CYP3A7: variants seen among roughly 807,000 people sequenced by gnomAD.
CYP3A7 encodes the protein cytochrome P450 family 3 subfamily A member 7, also known as cytochrome P450 3A7.
In CYP3A7, 45 loss-of-function variants were observed where a neutral mutation model predicts 55.2. That is an observed-to-expected ratio of 0.82 (90% CI 0.64 to 1.05). The LOEUF (loss-of-function observed/expected upper bound fraction) is 1.05. Among genes scored for constraint, CYP3A7 ranks in the 50% least tolerant of loss-of-function variants. The pLI, the probability that CYP3A7 is intolerant of heterozygous loss-of-function variation, is 0.00. For synonymous variants in CYP3A7, 180 were observed against 207.4 expected (o/e 0.87, Z 1.13); for missense variants, 548 against 605.3 (o/e 0.91, Z 0.99).
At chr7:99,714,755 T>A (rs139519159) in intron 7 of CYP3A7, 73 bp from the exon 8 acceptor site, 1 of 1,582,074 alleles carries the variant, frequency 6.3e-7, no homozygotes, top group Admixed American at 1.7e-5. Flanking sequence ...CAATTCTAAT[T>A]TTCTCTACCA....
chr7:99,723,274 A>G (rs925285293), intron 2 of CYP3A7, among the ~76,000 whole-genome samples: 2 of 152,120 alleles, frequency 1.3e-5, no homozygotes, highest in African/African-American at 4.8e-5. Context: ...ACGTTCCATT[A>G]TGACTTGTTA....
At chr7:99,722,100 A>T (rs574553480) in intron 3 of CYP3A7, among the ~76,000 whole-genome samples, 196 bp downstream of exon 3, 1 of 152,334 alleles carries the variant, frequency 6.6e-6, no homozygotes, top group South Asian at 2.1e-4. Context: ...CACATAGCTT[A>T]TAATGGCACA....
intron 3 of CYP3A7, 121 bp downstream of exon 3, chr7:99,722,175 T>C: frequency 8.1e-7 from 1 of 1,238,504 alleles, no homozygotes; most frequent in Non-Finnish European, 1.2e-6. Context: ...ACCTCTCTGT[T>C]TGTAGTTAGG....
chr7:99,722,821 T>C (rs184098132), intron 2 of CYP3A7, among the ~76,000 whole-genome samples: 2 of 152,306 alleles, frequency 1.3e-5, no homozygotes, highest in Admixed American at 1.3e-4. Context: ...ATTAGAAAGT[T>C]ACAGACACCA....
intron 12 of CYP3A7, among the ~76,000 whole-genome samples, chr7:99,707,261 A>T (rs1813560418): frequency 1.3e-5 from 2 of 152,162 alleles, no homozygotes; most frequent in Admixed American, 1.3e-4. Context: ...AACTACCTTA[A>T]ATTAGTCATT....
At chr7:99,708,384 A>C (rs1366594947) in intron 11 of CYP3A7, among the ~76,000 whole-genome samples, 1 of 152,104 alleles carries the variant, frequency 6.6e-6, no homozygotes, top group Non-Finnish European at 1.5e-5. Context: ...CACTACTTCA[A>C]AATTGTTATT....
chr7:99,720,459 A>G (rs763815602), intron 3 of CYP3A7, 47 bp from the exon 4 acceptor site: 2 of 1,608,356 alleles, frequency 1.2e-6, no homozygotes, highest in South Asian at 1.1e-5. Context: ...GCCTTATGCT[A>G]CAGCTGGAGC....
At chr7:99,729,286 G>T (rs1814534658) in intron 2 of CYP3A7, among the ~76,000 whole-genome samples, 1 of 151,930 alleles carries the variant, frequency 6.6e-6, no homozygotes, top group African/African-American at 2.4e-5. Flanking sequence ...CAAGTCCATG[G>T]TACCATCCTC....
Position 99,707,927 on chromosome 7 carries a change from G to T in CYP3A7, c.1301C>A (p.Pro434His). 2 of 1,613,900 alleles carry T rather than the reference G, an allele frequency of 1.2e-6. No homozygotes were observed. The highest frequency in any genetic ancestry group is 1.7e-5 in the Admixed American group (1 of 59,992). Residue 434 changes from proline (P) to histidine (H), a missense_variant, in exon 12 of 13, where the codon CCC (proline) becomes CAC (histidine). Pro to His is a moderately conservative substitution (Grantham distance 77, BLOSUM62 -2). Coordinates refer to ENST00000336374, the MANE Select transcript of CYP3A7 (RefSeq NM_000765.5). ...GCAGTTTCTGGGTCCACTTCCAAAGGGTGTGTATATGTAAGGATCTATGTT... is the reference window on the plus strand; with the variant it reads ...GCAGTTTCTGGGTCCACTTCCAAAGTGTGTGTATATGTAAGGATCTATGTT... ...KDNIDPYIYT[P>H]FGSGPRNCIG...
intron 2 of CYP3A7, among the ~76,000 whole-genome samples, chr7:99,727,312 T>G (rs1438130884): frequency 6.6e-6 from 1 of 152,212 alleles, no homozygotes; most frequent in African/African-American, 2.4e-5. Context: ...ACCCTAATAC[T>G]TTTAGAAGCC....
At chr7:99,712,858 A>G (rs1813808622) in intron 9 of CYP3A7, among the ~76,000 whole-genome samples, 1 of 152,218 alleles carries the variant, frequency 6.6e-6, no homozygotes, top group South Asian at 2.1e-4. Flanking sequence ...TAAAAATCGT[A>G]CATGGGTTGT....
In CYP3A7 at chr7:99,707,745, A is replaced by AAATAT. The variant is rs1254131070; in HGVS notation, c.1416+62_1416+66dup. On this transcript the variant is annotated intron_variant, in intron 12 of 12. Coordinates refer to ENST00000336374, the MANE Select transcript of CYP3A7 (RefSeq NM_000765.5). ...AGATTAAGTGAGTGTATTCTTTTTTAAATATATAGACCATTCAGTTAAAAT... is the reference window on the plus strand; with the variant it reads ...AGATTAAGTGAGTGTATTCTTTTTTAAATATAATATATAGACCATTCAGTTAAAAT... The AAATAT allele has an allele frequency of 3.5e-5, 55 of 1,593,508 alleles. No individual in the cohort carries two copies. In the African/African-American group the frequency reaches 6.7e-4, roughly 19 times the overall value.
At chr7:99,722,462 A>G in intron 2 of CYP3A7, 114 bp from the exon 3 acceptor site, 1 of 1,328,522 alleles carries the variant, frequency 7.5e-7, no homozygotes, top group South Asian at 1.3e-5. Context: ...TGGCAGTTAG[A>G]GGAAGCTTAT....
chr7:99,721,736 A>G (rs1401066338), intron 3 of CYP3A7, among the ~76,000 whole-genome samples: 1 of 143,988 alleles, frequency 6.9e-6, no homozygotes, highest in East Asian at 2.1e-4. Context: ...AACCAAAATT[A>G]TGACACGTGT....
chr7:99,708,877 G>C (rs186641313), intron 11 of CYP3A7, among the ~76,000 whole-genome samples, 158 bp downstream of exon 11: 95 of 152,204 alleles, frequency 6.2e-4, no homozygotes, highest in Non-Finnish European at 1.1e-3. Context: ...TCTGTGGTTT[G>C]TAAAGTGTGA....
At position 99,720,340 on chromosome 7, in the gene CYP3A7, T is replaced by G. The variant is rs1325646084; in HGVS notation, c.291A>C (p.Glu97Asp). 4 of 1,613,444 alleles carry G rather than the reference T, an allele frequency of 2.5e-6. No individual in the cohort carries two copies. Among genetic ancestry groups the G allele is most frequent in the Middle Eastern group, 1.7e-4 (1 of 5,884 alleles). The change falls in exon 4 of 13, where the codon GAA becomes GAC. Residue 97 changes from glutamate to aspartate, a missense_variant. Glu to Asp is a conservative substitution (Grantham distance 45). Transcript: ENST00000336374. The part of the protein sequence containing the change: ...PDMIKTVLVK[E>D]CYSVFTNRRP... ...TCCGGTTTGTGAAGACAGAATAACA[T>G]TCTTTCACTAGCACTGTTTTGATCA...
intron 9 of CYP3A7, 112 bp downstream of exon 9, chr7:99,713,357 C>T (rs1053323015): frequency 2.6e-6 from 4 of 1,511,254 alleles, no homozygotes; most frequent in Non-Finnish European, 3.7e-6. Flanking sequence ...CTGTGTCATT[C>T]TGCTATGTGG....
At position 99,709,103 on chromosome 7, in the gene CYP3A7, C is replaced by A. The variant is rs200357120; in HGVS notation, c.1185G>T (p.Met395Ile). The A allele has an allele frequency of 6.2e-7, 1 of 1,613,836 alleles. No individual in the cohort carries two copies. Among genetic ancestry groups the A allele is most frequent in the East Asian group, 2.2e-5 (1 of 44,868 alleles). The change falls in exon 11 of 13, where the codon ATG becomes ATT. Residue 395 changes from methionine (M) to isoleucine (I), a missense_variant. Met to Ile is a conservative substitution (Grantham distance 10). Transcript: ENST00000336374. Reference protein sequence around the residue: ...GMFIPKGVVVMIPSYVLHHDP... With the variant: ...GMFIPKGVVVIIPSYVLHHDP... ...CATGATGAAGAACATAGCTTGGAAT[C>A]ATCACCACCACCCCTTTGGGAATAA...
chr7:99,734,873 A>C, intron 1 of CYP3A7, 150 bp downstream of exon 1: 1 of 1,175,958 alleles, frequency 8.5e-7, no homozygotes, highest in Non-Finnish European at 1.3e-6. Flanking sequence ...CCACCTGCTC[A>C]GCATCCCAAA....
Sources: gnomAD v4.1 joint callset for allele counts (sites outside exome capture counted in the v4.1 genomes callset) on GRCh38, gnomAD v4.1.1 for gene constraint, MANE v1.5 for transcripts, NCBI Gene and HGNC (gene_info 2026-07-23, HGNC 2026-07-21) for gene names.